Variants in XIRP2 observed in about 807,000 individuals in gnomAD.
The protein encoded by XIRP2 is xin actin binding repeat containing 2, also known as xin actin-binding repeat-containing protein 2.
Under a neutral mutation model 277.0 loss-of-function variants are expected in XIRP2, and 236 were observed. The ratio of observed to expected loss-of-function variants is 0.85; its 90% CI spans 0.77 to 0.95. XIRP2 has a LOEUF of 0.95. Ranked by LOEUF, XIRP2 falls within the 40% of genes least tolerant of loss-of-function variation. The pLI is 0.00. For missense variants in XIRP2, 4,640 were observed against 4,157.5 expected (o/e 1.12, Z -3.19); for synonymous variants, 1,490 against 1,416.5 (o/e 1.05, Z -1.17).
At chr2:167,085,898 T>C (rs543949225) in intron 2 of XIRP2, among the ~76,000 whole-genome samples, 1 of 152,328 alleles carries the variant, frequency 6.6e-6, no homozygotes, top group African/African-American at 2.4e-5. Flanking sequence ...CTTTATCCAA[T>C]TTGCCAGTCT....
rs191217492 is a variant in XIRP2 at position 167,100,313 on chromosome 2, T to G, written c.409-35596T>G. Among the ~76,000 whole-genome samples the G allele has an allele frequency of 2.4e-3, 371 of 152,338 alleles. 1 individual carries two copies. Among genetic ancestry groups the G allele is most frequent in the African/African-American group, 8.5e-3 (352 of 41,584 alleles). On this transcript the variant is annotated intron_variant, in intron 2 of 10. Transcript: ENST00000409195. ...ATATTCTTTGAAAAGGTTTACTTCT[T>G]TAGAATTCTTTCAAATCTTTCATTT...
chr2:167,100,845 A>G (rs1469803537), intron 2 of XIRP2, among the ~76,000 whole-genome samples: 3 of 152,252 alleles, frequency 2.0e-5, no homozygotes, highest in African/African-American at 7.2e-5. Flanking sequence ...ATATTTTAAC[A>G]GATCTCATTA....
chr2:167,154,440 T>C (rs1251328233), intron 3 of XIRP2, among the ~76,000 whole-genome samples: 3 of 150,740 alleles, frequency 2.0e-5, no homozygotes, highest in East Asian at 1.9e-4. Context: ...ATTTTGTCTT[T>C]TGTTGCCATT....
intron 2 of XIRP2, among the ~76,000 whole-genome samples, chr2:167,094,877 G>T (rs1232415643): frequency 6.6e-6 from 1 of 152,118 alleles, no homozygotes; most frequent in Non-Finnish European, 1.5e-5. Flanking sequence ...GCTTGATGGG[G>T]ATAGCATTGA....
chr2:167,100,955 T>C (rs918351032), intron 2 of XIRP2, among the ~76,000 whole-genome samples: 8 of 152,222 alleles, frequency 5.3e-5, no homozygotes, highest in Non-Finnish European at 1.0e-4. Flanking sequence ...CTTTTGCTTT[T>C]AGTGTTGTTC....
At chr2:167,140,415 A>T (rs1691681352) in intron 3 of XIRP2, among the ~76,000 whole-genome samples, 1 of 152,184 alleles carries the variant, frequency 6.6e-6, no homozygotes, top group Non-Finnish European at 1.5e-5. Flanking sequence ...TTCTTTATTA[A>T]AACAGGGCTT....
Position 167,258,958 on chromosome 2 carries a change from C to G in XIRP2, c.*1141C>G, listed in dbSNP as rs1397534783. ...CTCCAAAACCAAGCCTCAGCAGAGGCCTTATGGTAAAGGGGGGAAGTTCAA... is the reference window on the plus strand; with the variant it reads ...CTCCAAAACCAAGCCTCAGCAGAGGGCTTATGGTAAAGGGGGGAAGTTCAA... On this transcript the variant is annotated 3_prime_UTR_variant, in exon 11 of 11. Transcript: ENST00000409195. The G allele has an allele frequency of 1.9e-6, 3 of 1,612,608 alleles. No individual in the cohort carries two copies. Among genetic ancestry groups the G allele is most frequent in the Non-Finnish European group, 2.5e-6 (3 of 1,179,458 alleles).
At chr2:167,025,045 G>T (rs548051089) in intron 2 of XIRP2, among the ~76,000 whole-genome samples, 1 of 152,132 alleles carries the variant, frequency 6.6e-6, no homozygotes, top group South Asian at 2.1e-4. Flanking sequence ...GTTCCTCCTT[G>T]TACCTCTGGT....
intron 2 of XIRP2, among the ~76,000 whole-genome samples, chr2:166,930,630 T>TA (rs1685309762): frequency 6.6e-6 from 1 of 152,176 alleles, no homozygotes; most frequent in Admixed American, 6.6e-5. Flanking sequence ...AATTGAAATA[T>TA]AAAAAAATTT....
At chr2:167,146,517 A>G (rs1167623826) in intron 3 of XIRP2, among the ~76,000 whole-genome samples, 1 of 151,968 alleles carries the variant, frequency 6.6e-6, no homozygotes, top group Non-Finnish European at 1.5e-5. Context: ...AAAAGAAAGA[A>G]AGAAAGAAAG....
At chr2:166,912,080 T>C (rs956460503) in intron 2 of XIRP2, among the ~76,000 whole-genome samples, 2 of 152,200 alleles carry the variant, frequency 1.3e-5, no homozygotes, top group Non-Finnish European at 2.9e-5. Flanking sequence ...CTGACAATTA[T>C]GTGTCTTGGA....
rs1321409699 is a variant in XIRP2 at position 167,244,394 on chromosome 2, T to A, written c.3002T>A (p.Val1001Glu). The A allele has an allele frequency of 1.9e-6, 3 of 1,613,618 alleles. No individual in the cohort carries two copies. In the South Asian group the frequency reaches 3.3e-5, roughly 18 times the overall value. The change falls in exon 9 of 11, where the codon GTA (valine) becomes GAA (glutamate). Residue 1001 changes from valine (V) to glutamate (E), a missense_variant. Physicochemically the swap from Val to Glu is moderately radical, Grantham distance 121 (BLOSUM62 -2). Coordinates refer to ENST00000409195, the MANE Select transcript of XIRP2 (RefSeq NM_152381.6). ...GATCCCCTTGGAAAATATCATCAAG[T>A]AAAGACAGTCCAGCAAGAAGAAATC... ...IQDPLGKYHQVKTVQQEEIVR... is the reference protein window; with the variant it reads ...IQDPLGKYHQEKTVQQEEIVR...
chr2:166,977,287 T>G (rs1399016694), intron 2 of XIRP2, among the ~76,000 whole-genome samples: 1 of 152,300 alleles, frequency 6.6e-6, no homozygotes, highest in East Asian at 1.9e-4. Flanking sequence ...AAATTTTCAA[T>G]TATTAGTTCT....
intron 3 of XIRP2, among the ~76,000 whole-genome samples, chr2:167,146,581 T>C (rs1691871795): frequency 6.6e-6 from 1 of 150,694 alleles, no homozygotes; most frequent in South Asian, 2.1e-4. Flanking sequence ...TATGCAAATA[T>C]GAAAGAAAGA....
chr2:167,246,556 T>C lies in XIRP2; in HGVS notation c.5164T>C (p.Ser1722Pro). 6.2e-7 allele frequency: 1 copy of C among 1,613,736 alleles called. No individual in the cohort carries two copies. Reference sequence around the variant, plus strand: ...CAAACGTACCATTCATAATTTATTGTCTTCCACATCAAACAATAAAATATC... The same window carrying C: ...CAAACGTACCATTCATAATTTATTGCCTTCCACATCAAACAATAAAATATC... ...DVKRTIHNLL[S>P]STSNNKISER... The change falls in exon 9 of 11, where the codon TCT becomes CCT. Residue 1722 changes from serine (S) to proline (P), a missense_variant. Transcript: ENST00000409195.
intron 2 of XIRP2, among the ~76,000 whole-genome samples, chr2:167,080,100 A>G (rs2105260885): frequency 6.6e-6 from 1 of 152,264 alleles, no homozygotes; most frequent in African/African-American, 2.4e-5. Context: ...GCAATAATCC[A>G]GGCAAGATAT....
At chr2:167,222,069 A>G (rs1484295007) in intron 5 of XIRP2, among the ~76,000 whole-genome samples, 1 of 152,202 alleles carries the variant, frequency 6.6e-6, no homozygotes, top group African/African-American at 2.4e-5. Flanking sequence ...AAATTTTGAT[A>G]ATTAATCTAT....
intron 2 of XIRP2, among the ~76,000 whole-genome samples, chr2:167,028,153 C>G (rs948008559): frequency 6.6e-6 from 1 of 151,960 alleles, no homozygotes; most frequent in South Asian, 2.1e-4. Flanking sequence ...TTACAAATAT[C>G]TAACATAAGA....
In XIRP2 at chr2:167,250,585, A is replaced by G. The variant is rs1393604885; in HGVS notation, c.9193A>G (p.Lys3065Glu). ...ATCTAATGTTCATGTCAGCAATAAT[A>G]AAAATAGTGAACAGAAAGAAAATAA... ...KVSNVHVSNN[K>E]NSEQKENKIA... Residue 3065 changes from lysine to glutamate, a missense_variant, in exon 9 of 11, where the codon AAA becomes GAA. Lys to Glu is a moderately conservative substitution (Grantham distance 56). Coordinates refer to ENST00000409195, the MANE Select transcript of XIRP2 (RefSeq NM_152381.6). The G allele has an allele frequency of 1.9e-6, 3 of 1,613,580 alleles. No individual in the cohort carries two copies. The Admixed American group carries it at 5.0e-5, about 27-fold the overall frequency.
Sources: gnomAD v4.1 joint callset for allele counts (sites outside exome capture counted in the v4.1 genomes callset) on GRCh38, gnomAD v4.1.1 for gene constraint, MANE v1.5 for transcripts, NCBI Gene and HGNC (gene_info 2026-07-23, HGNC 2026-07-21) for gene names.